Variants in PRDM10 observed in about 807,000 individuals in gnomAD.
PRDM10 encodes the protein PR domain zinc finger protein 10.
A neutral mutation model predicts 133.1 loss-of-function variants in PRDM10; 65 were observed. That is an observed-to-expected ratio of 0.49 (90% CI 0.40 to 0.60). The LOEUF (loss-of-function observed/expected upper bound fraction) is 0.60. PRDM10 is among the 20% of genes least tolerant of loss of function. The pLI, the probability that PRDM10 is intolerant of heterozygous loss-of-function variation, is 0.00. For missense variants in PRDM10, 1,137 were observed against 1,507.1 expected, an observed-to-expected ratio of 0.75 and a Z score of 4.07; for synonymous variants, 582 against 580.4, an observed-to-expected ratio of 1.00 and a Z score of -0.04.
chr11:129,902,140 G>C lies in PRDM10; in HGVS notation c.*173C>G. Reference sequence around the variant, plus strand: ...AACCGAGGGTTTGAAGAGTCAATTTGATAAAGATGACCTTGGCAAAATAAA... The same window carrying C: ...AACCGAGGGTTTGAAGAGTCAATTTCATAAAGATGACCTTGGCAAAATAAA... On this transcript the variant is annotated 3_prime_UTR_variant, in exon 21 of 21. Coordinates refer to ENST00000360871, the MANE Select transcript of PRDM10 (RefSeq NM_199437.2). The C allele has an allele frequency of 1.1e-6, 1 of 869,902 alleles. No individual in the cohort carries two copies. Among genetic ancestry groups the C allele is most frequent in the South Asian group, 2.1e-5 (1 of 48,382 alleles). The allele number at this position is 869,902 out of a possible 1,614,324, so 53.9% of individuals were successfully genotyped here. A position where few individuals can be genotyped will look rare whatever the true frequency, so the allele number is the denominator to read the frequency against.
At chr11:129,935,287 G>T in intron 8 of PRDM10, 69 bp from the exon 9 acceptor site, 2 of 1,108,276 alleles carry the variant, frequency 1.8e-6, no homozygotes, top group South Asian at 1.2e-5. Flanking sequence ...AAAAGTCTGC[G>T]ATCCCCACCA....
intron 1 of PRDM10, among the ~76,000 whole-genome samples, chr11:130,000,661 G>C (rs1413825554): frequency 6.6e-6 from 1 of 152,164 alleles, no homozygotes; most frequent in Admixed American, 6.5e-5. Context: ...GCAAAACGAG[G>C]AACAGCATAG....
At chr11:129,963,450 A>AGAAGAGAAGAGAAGAGAAGG (rs1565498524) in intron 1 of PRDM10, among the ~76,000 whole-genome samples, 1 of 150,202 alleles carries the variant, frequency 6.7e-6, no homozygotes, top group Non-Finnish European at 1.5e-5. Context: ...AGAAGAGAAG[A>AGAAGAGAAGAGAAGAGAAGG]GAAGAAGTCA....
intron 1 of PRDM10, among the ~76,000 whole-genome samples, chr11:129,993,862 C>T (rs555913905): frequency 6.6e-6 from 1 of 152,168 alleles, no homozygotes; most frequent in African/African-American, 2.4e-5. Flanking sequence ...AAGTGTTTTG[C>T]CTTTTCTTGG....
rs566741106 is a variant in PRDM10, at chr11:129,912,534, G to A, written c.2842-309C>T. 7.0e-4 allele frequency among the ~76,000 whole-genome samples: 105 copies of A among 151,032 alleles called. 1 individual carries two copies. Among genetic ancestry groups the A allele is most frequent in the South Asian group, 6.3e-4 (3 of 4,784 alleles). On this transcript the variant is annotated intron_variant, in intron 17 of 20. Coordinates refer to ENST00000360871, the MANE Select transcript of PRDM10 (RefSeq NM_199437.2). ...TGGGAGGCCAAGGCGGGTGGATCACGAGGTCAGGAGATCGAGACCGTCCTG... is the reference window on the plus strand; with the variant it reads ...TGGGAGGCCAAGGCGGGTGGATCACAAGGTCAGGAGATCGAGACCGTCCTG...
At chr11:129,935,250 G>T in intron 8 of PRDM10, 32 bp from the exon 9 acceptor site, 1 of 1,535,506 alleles carries the variant, frequency 6.5e-7, no homozygotes, top group Non-Finnish European at 9.0e-7. Context: ...CATAAAGGCT[G>T]ATGACCAATA....
intron 1 of PRDM10, among the ~76,000 whole-genome samples, chr11:129,974,823 C>A (rs538391298): frequency 1.3e-5 from 2 of 152,266 alleles, no homozygotes; most frequent in South Asian, 2.1e-4. Context: ...GTACATACAG[C>A]GGAATATTAT....
intron 6 of PRDM10, 144 bp from the exon 7 acceptor site, chr11:129,942,773 C>G (rs1951257077): frequency 1.4e-6 from 1 of 727,830 alleles, no homozygotes; most frequent in South Asian, 2.0e-5. Context: ...AAATCCTAGA[C>G]CTATGACTTG....
chr11:129,931,706 G>A (rs12800521), intron 10 of PRDM10, among the ~76,000 whole-genome samples: 12,650 of 151,252 alleles, frequency 0.084, 971 homozygotes, highest in East Asian at 0.37. Context: ...AGCTGGGATT[G>A]CAGGCGCCCG....
At chr11:129,910,268 G>A (rs375209708) in intron 19 of PRDM10, among the ~76,000 whole-genome samples, 14 of 152,114 alleles carry the variant, frequency 9.2e-5, no homozygotes, top group African/African-American at 1.9e-4. Flanking sequence ...TATACCTGAC[G>A]TTTCGAAAAT....
At chr11:129,948,243 A>G (rs1315645081) in intron 4 of PRDM10, 5 of 369,968 alleles carry the variant, frequency 1.4e-5, no homozygotes, top group Non-Finnish European at 2.7e-5. Flanking sequence ...ACACTGGCCT[A>G]GAATCCCTTT....
chr11:129,908,623 T>C (rs1950086684), intron 19 of PRDM10, among the ~76,000 whole-genome samples: 1 of 152,190 alleles, frequency 6.6e-6, no homozygotes, highest in African/African-American at 2.4e-5. Flanking sequence ...GGCTGGACAA[T>C]GGGTACAGGA....
intron 1 of PRDM10, among the ~76,000 whole-genome samples, chr11:129,966,726 C>T (rs149254225): frequency 1.3e-5 from 2 of 152,002 alleles, no homozygotes; most frequent in Non-Finnish European, 2.9e-5. Context: ...CTGAGATTCA[C>T]GGGGAAAAAA....
Position 129,923,416 on chromosome 11 carries a change from A to G in PRDM10, c.1879-13T>C, listed in dbSNP as rs1318734399. 6.3e-7 allele frequency: 1 copy of G among 1,598,602 alleles called. No homozygotes were observed. The highest frequency in any genetic ancestry group is 8.5e-7 in the Non-Finnish European group (1 of 1,172,052). On this transcript the variant is annotated splice_polypyrimidine_tract_variant and intron_variant, in intron 12 of 20. Coordinates refer to ENST00000360871, the MANE Select transcript of PRDM10 (RefSeq NM_199437.2). This position sits in a 1 kb window ranked among gnomAD's most constrained non-coding sequence, Gnocchi z 4.4. ...CGTGTTTTTTCACCTGGTGATAAGA[A>G]CCACAGGAAAATTCAGGGGACGCAG...
chr11:129,961,190 C>A (rs540423382), intron 1 of PRDM10, 108 bp from the exon 2 acceptor site: 1 of 465,244 alleles, frequency 2.1e-6, no homozygotes. Flanking sequence ...AAAAGCAACA[C>A]GCCTGGGCAA....
chr11:129,972,365 C>T (rs1952051404), intron 1 of PRDM10, among the ~76,000 whole-genome samples: 1 of 152,230 alleles, frequency 6.6e-6, no homozygotes, highest in South Asian at 2.1e-4. Context: ...CTGGGGACTG[C>T]CAGCACGCTG....
intron 10 of PRDM10, among the ~76,000 whole-genome samples, chr11:129,931,576 A>ATTT (rs66505343): frequency 1.6e-3 from 235 of 143,264 alleles, no homozygotes; most frequent in African/African-American, 5.7e-3. Flanking sequence ...ATTTTATTTT[A>ATTT]TTTTTTTTTT....
At chr11:129,921,619 T>A (rs1055523846) in intron 13 of PRDM10, among the ~76,000 whole-genome samples, 2 of 152,236 alleles carry the variant, frequency 1.3e-5, no homozygotes, top group African/African-American at 4.8e-5. Flanking sequence ...TTTGAAAATA[T>A]GCCAGGAAGG....
chr11:129,944,890 C>CA lies in PRDM10; in HGVS notation c.642_643insT (p.Asp215Ter). 1 of 1,614,144 alleles carries CA rather than the reference C, an allele frequency of 6.2e-7. No individual in the cohort carries two copies. The highest frequency in any genetic ancestry group is 8.5e-7 in the Non-Finnish European group (1 of 1,180,036). On this transcript the variant is annotated frameshift_variant, in exon 6 of 21. Transcript: ENST00000360871. LOFTEE classifies it high-confidence loss of function. Reference sequence around the variant, plus strand: ...GAGAACACCCCGCCCAGAAACCTGTCTATGTAGAGCACCAGGGGGAGGCTC... The same window carrying CA: ...GAGAACACCCCGCCCAGAAACCTGTCATATGTAGAGCACCAGGGGGAGGCTC...
Sources: allele counts gnomAD v4.1 joint callset (sites outside exome capture counted in the v4.1 genomes callset), GRCh38; gene constraint gnomAD v4.1.1; non-coding constraint Gnocchi (gnomAD v3.1); transcripts MANE v1.5; gene names NCBI Gene and HGNC (gene_info 2026-07-23, HGNC 2026-07-21).